SGCZ: variants seen among roughly 807,000 people sequenced by gnomAD.
SGCZ encodes zeta-sarcoglycan.
In SGCZ, 40 loss-of-function variants were observed where a neutral mutation model predicts 41.3. The observed-to-expected ratio is 0.97, with a 90% CI of 0.75 to 1.26. The LOEUF (loss-of-function observed/expected upper bound fraction) is 1.26, where lower values mean the gene tolerates loss of function less well. Among genes scored for constraint, SGCZ ranks in the 50% most tolerant of loss-of-function variants. The pLI is 0.00. For synonymous variants in SGCZ, 206 were observed against 137.5 expected (o/e 1.50, Z -3.49); for missense variants, 552 against 369.8 (o/e 1.49, Z -4.04).
intron 1 of SGCZ, among the ~76,000 whole-genome samples, chr8:14,603,037 A>G (rs961784209): frequency 1.3e-5 from 2 of 152,206 alleles, no homozygotes; most frequent in Non-Finnish European, 2.9e-5. Flanking sequence ...GCATGGCTTC[A>G]GAGACACTAG....
intron 1 of SGCZ, among the ~76,000 whole-genome samples, chr8:14,836,077 A>T (rs922111899): frequency 2.0e-5 from 3 of 152,062 alleles, no homozygotes; most frequent in African/African-American, 7.2e-5. Flanking sequence ...GATTAACGTC[A>T]TCTAGGGACA....
chr8:15,005,711 T>C (rs182858266), intron 1 of SGCZ, among the ~76,000 whole-genome samples: 281 of 152,150 alleles, frequency 1.8e-3, no homozygotes, highest in Non-Finnish European at 3.2e-3. Context: ...TCCATATTAA[T>C]TTAAAGTCTT....
intron 3 of SGCZ, among the ~76,000 whole-genome samples, chr8:14,285,537 A>G (rs1800591876): frequency 6.6e-6 from 1 of 151,760 alleles, no homozygotes; most frequent in South Asian, 2.1e-4. Context: ...TATTCACAGT[A>G]TTTACTGAAA....
chr8:15,174,133 T>C (rs956910236), intron 1 of SGCZ, among the ~76,000 whole-genome samples: 1 of 152,176 alleles, frequency 6.6e-6, no homozygotes, highest in Admixed American at 6.5e-5. Flanking sequence ...GTTCAAAACA[T>C]CATGGGAATG....
intron 1 of SGCZ, among the ~76,000 whole-genome samples, chr8:14,907,071 T>C (rs544484107): frequency 3.3e-4 from 51 of 152,304 alleles, no homozygotes; most frequent in African/African-American, 1.1e-3. Context: ...TGGTGCTAGT[T>C]TTATGCATGT....
At chr8:14,543,567 G>C (rs1479774016) in intron 2 of SGCZ, among the ~76,000 whole-genome samples, 1 of 152,030 alleles carries the variant, frequency 6.6e-6, no homozygotes, top group African/African-American at 2.4e-5. Flanking sequence ...CTTGTCCATG[G>C]TGCTGTAATC....
chr8:14,182,780 G>A (rs2117026956), intron 4 of SGCZ, among the ~76,000 whole-genome samples: 1 of 152,018 alleles, frequency 6.6e-6, no homozygotes, highest in Admixed American at 6.5e-5. Flanking sequence ...AGGCCGAGAG[G>A]GGGCGGATCA....
At chr8:15,061,632 C>T (rs755797746) in intron 1 of SGCZ, among the ~76,000 whole-genome samples, 1 of 152,068 alleles carries the variant, frequency 6.6e-6, no homozygotes, top group African/African-American at 2.4e-5. Context: ...AGTGCTCTTT[C>T]CTTTTTTGCC....
chr8:14,246,909 C>CAAA (rs5889525), intron 3 of SGCZ, among the ~76,000 whole-genome samples: 3 of 84,338 alleles, frequency 3.6e-5, no homozygotes, highest in African/African-American at 9.2e-5. Flanking sequence ...GACTCCATCT[C>CAAA]AAAAAAAAAA....
intron 7 of SGCZ, among the ~76,000 whole-genome samples, chr8:14,094,402 T>A (rs1801780532): frequency 6.6e-6 from 1 of 152,062 alleles, no homozygotes; most frequent in African/African-American, 2.4e-5. Flanking sequence ...TTTTCTGTTC[T>A]TGTGTTAGTT....
chr8:14,968,891 T>C (rs893254696), intron 1 of SGCZ, among the ~76,000 whole-genome samples: 1 of 152,160 alleles, frequency 6.6e-6, no homozygotes, highest in African/African-American at 2.4e-5. Flanking sequence ...CTAGATGGCT[T>C]TTCATTCGAG....
At chr8:14,291,435 A>G (rs1173578937) in intron 3 of SGCZ, among the ~76,000 whole-genome samples, 1 of 152,048 alleles carries the variant, frequency 6.6e-6, no homozygotes, top group Non-Finnish European at 1.5e-5. Context: ...ATAAATTTTT[A>G]AAAAGAAAAA....
Position 15,220,717 on chromosome 8 carries a change from C to A in SGCZ, c.39+16868G>T, listed in dbSNP as rs190710048. Among the ~76,000 whole-genome samples the A allele has an allele frequency of 2.0e-5, 3 of 152,166 alleles. No homozygotes were observed. The East Asian group carries it at 5.8e-4, about 29-fold the overall frequency. On this transcript the variant is annotated intron_variant, in intron 1 of 7. Coordinates refer to ENST00000382080, the MANE Select transcript of SGCZ (RefSeq NM_139167.4). ...TACTATAAAGACACATGCATACGTA[C>A]GTTTATTGCAGCACTATTTACAATA... is the stretch of plus-strand genomic sequence containing the variant.
At chr8:14,982,493 A>C (rs1400157524) in intron 1 of SGCZ, among the ~76,000 whole-genome samples, 1 of 152,198 alleles carries the variant, frequency 6.6e-6, no homozygotes, top group Non-Finnish European at 1.5e-5. Context: ...ACTCTACTAC[A>C]TTTCACAGTG....
At chr8:14,103,391 A>C (rs981854132) in intron 6 of SGCZ, among the ~76,000 whole-genome samples, 1 of 152,150 alleles carries the variant, frequency 6.6e-6, no homozygotes, top group Non-Finnish European at 1.5e-5. Flanking sequence ...TTGGGGATGC[A>C]CCTGCCTGTG....
chr8:15,081,415 A>C (rs1323770868), intron 1 of SGCZ, among the ~76,000 whole-genome samples: 3 of 151,552 alleles, frequency 2.0e-5, no homozygotes, highest in Admixed American at 2.0e-4. Context: ...AACCTAGTTT[A>C]TGACAGATGG....
chr8:14,809,053 G>T (rs918369067), intron 1 of SGCZ, among the ~76,000 whole-genome samples: 2 of 149,020 alleles, frequency 1.3e-5, no homozygotes, highest in Non-Finnish European at 2.9e-5. Flanking sequence ...ACACAGGAAG[G>T]GGAACATCAC....
chr8:14,117,079 C>CATGTAT lies in SGCZ; in HGVS notation c.548-8850_548-8845dup, dbSNP rs1263244317. ...GTTGCCATAATATCTTTAAAGATGG[C>CATGTAT]ATGTATCTTTAAAGATGGTCGTCCT... On this transcript the variant is annotated intron_variant, in intron 5 of 7. Coordinates refer to ENST00000382080, the MANE Select transcript of SGCZ (RefSeq NM_139167.4). 8.6e-5 allele frequency among the ~76,000 whole-genome samples: 13 copies of CATGTAT among 152,034 alleles called. No individual in the cohort carries two copies. The East Asian group carries it at 2.3e-3, about 27-fold the overall frequency.
intron 1 of SGCZ, among the ~76,000 whole-genome samples, chr8:14,907,213 G>C (rs549727667): frequency 6.6e-6 from 1 of 151,702 alleles, no homozygotes; most frequent in South Asian, 2.1e-4. Flanking sequence ...ATTATTTTTT[G>C]GGACAGAGTC....
Sources: allele counts gnomAD v4.1 joint callset (sites outside exome capture counted in the v4.1 genomes callset), GRCh38; gene constraint gnomAD v4.1.1; transcripts MANE v1.5; gene names NCBI Gene and HGNC (gene_info 2026-07-23, HGNC 2026-07-21).